GFI1: variants seen among roughly 807,000 people sequenced by gnomAD.
GFI1 encodes growth factor independent 1 transcriptional repressor.
Under a neutral mutation model 39.2 loss-of-function variants are expected in GFI1, and 15 were observed. That is an observed-to-expected ratio of 0.38 (90% CI 0.26 to 0.59). The LOEUF (loss-of-function observed/expected upper bound fraction) is 0.59. GFI1 is among the 20% of genes least tolerant of loss of function. The pLI, the probability that GFI1 is intolerant of heterozygous loss-of-function variation, is 0.62. For synonymous variants in GFI1, 239 were observed against 254.3 expected (o/e 0.94, Z 0.57); for missense variants, 475 against 574.0 (o/e 0.83, Z 1.76).
At chr1:92,476,448 G>C (rs1332161145) in intron 6 of GFI1, among the ~76,000 whole-genome samples, 1 of 152,178 alleles carries the variant, frequency 6.6e-6, no homozygotes, top group African/African-American at 2.4e-5. Flanking sequence ...CCCAGCCAAA[G>C]GCCTCAAACG....
chr1:92,481,952 T>TGCGCGCGCGCGC lies in GFI1; in HGVS notation c.299-865_299-864insGCGCGCGCGCGC, dbSNP rs1553163125. Among the ~76,000 whole-genome samples the TGCGCGCGCGCGC allele has an allele frequency of 2.0e-5, 3 of 148,802 alleles. No homozygotes were observed. The highest frequency in any genetic ancestry group is 3.0e-5 in the Non-Finnish European group (2 of 67,580). ...ATTTACAAATGTGTGTGTGTGTGTG[T>TGCGCGCGCGCGC]GCGCACAACACTCCAGTTCAGGCTG... On this transcript the variant is annotated intron_variant, in intron 3 of 6. Coordinates refer to ENST00000294702, the MANE Select transcript of GFI1 (RefSeq NM_005263.5). This position sits in a 1 kb window ranked among gnomAD's most constrained non-coding sequence, Gnocchi z 4.3.
chr1:92,475,804 T>A lies in GFI1; in HGVS notation c.*225A>T, dbSNP rs1282419959. 8.6e-6 allele frequency: 5 copies of A among 580,844 alleles called. No homozygotes were observed. The East Asian group carries it at 1.5e-4, about 17-fold the overall frequency. 36.0% of individuals were successfully genotyped at this position (580,844 alleles called of 1,614,324 possible). ...CTATTTGTGTCCGAAGCCTAGAGAG[T>A]CACTTGGTTCTCACTCTCGGCTGCA... On this transcript the variant is annotated 3_prime_UTR_variant, in exon 7 of 7. Transcript: ENST00000294702.
In GFI1 at chr1:92,482,993, G is replaced by A. The variant is rs1024012420; in HGVS notation, c.169C>T (p.Pro57Ser). 1.5e-5 allele frequency: 24 copies of A among 1,610,146 alleles called. No individual in the cohort carries two copies. The Middle Eastern group carries it at 6.7e-4, about 45-fold the overall frequency. The change falls in exon 3 of 7, where the codon CCC becomes TCC. Residue 57 changes from proline (P) to serine (S), a missense_variant. Pro to Ser is a moderately conservative substitution (Grantham distance 74). This residue lies in a region of GFI1 where 275 missense variants were observed against 275.8 expected (regional missense o/e 1.00). Transcript: ENST00000294702. The surrounding 1 kb of genome is among the most constrained non-coding windows in gnomAD (Gnocchi z 4.4). ...AKAEPRDRLSPESQLTEAPDR... is the reference protein window; with the variant it reads ...AKAEPRDRLSSESQLTEAPDR... ...GGGGCTTCGGTCAGCTGCGATTCGGGGGACAAACGGTCCCGGGGCTCCGCC... is the reference window on the plus strand; with the variant it reads ...GGGGCTTCGGTCAGCTGCGATTCGGAGGACAAACGGTCCCGGGGCTCCGCC...
At chr1:92,483,308 T>C (rs896290404) in intron 2 of GFI1, 65 bp downstream of exon 2, 6 of 898,144 alleles carry the variant, frequency 6.7e-6, no homozygotes, top group African/African-American at 6.5e-5. Context: ...TCCGGACTAA[T>C]GGTGTGCCGA....
chr1:92,483,191 G>T, intron 2 of GFI1, 145 bp from the exon 3 acceptor site: 1 of 835,550 alleles, frequency 1.2e-6, no homozygotes, highest in Non-Finnish European at 1.8e-6. Context: ...TCGGATCCGA[G>T]GGCAGGCGCA....
rs749281694 is a variant in GFI1, at chr1:92,476,225, G to A, written c.1091-18C>T. On this transcript the variant is annotated intron_variant, in intron 6 of 6. Coordinates refer to ENST00000294702, the MANE Select transcript of GFI1 (RefSeq NM_005263.5). ...CTTCTCACCTGTGGGGATGGGAGGG[G>A]GAGGGGAGAAAGTATGAGTCTATGA... 2 of 1,605,828 alleles carry A rather than the reference G, an allele frequency of 1.2e-6. No homozygotes were observed. The highest frequency in any genetic ancestry group is 4.5e-5 in the East Asian group (2 of 44,734).
At chr1:92,483,880 T>C (rs2101583969) in intron 1 of GFI1, 1 of 335,310 alleles carries the variant, frequency 3.0e-6, no homozygotes, top group East Asian at 7.6e-5. Context: ...TCCCCTTTCC[T>C]AGCGAAGCTC....
Position 92,482,654 on chromosome 1 carries a change from C to T in GFI1, c.298+210G>A, listed in dbSNP as rs199774578. On this transcript the variant is annotated intron_variant, in intron 3 of 6. Coordinates refer to ENST00000294702, the MANE Select transcript of GFI1 (RefSeq NM_005263.5). This position sits in a 1 kb window ranked among gnomAD's most constrained non-coding sequence, Gnocchi z 4.4. Reference sequence around the variant, plus strand: ...AAGCGACAAGCAGCTAGGGTCCTGCCGCCTGGGATGGAGGCAGCAGCCCCA... The same window carrying T: ...AAGCGACAAGCAGCTAGGGTCCTGCTGCCTGGGATGGAGGCAGCAGCCCCA... Among the ~76,000 whole-genome samples, 23 of 152,338 alleles carry T rather than the reference C, an allele frequency of 1.5e-4. No individual in the cohort carries two copies. In the East Asian group the frequency reaches 4.2e-3, roughly 28 times the overall value.
intron 1 of GFI1, 118 bp from the exon 2 acceptor site, chr1:92,483,704 G>A (rs1658403211): frequency 1.7e-6 from 1 of 602,068 alleles, no homozygotes; most frequent in African/African-American, 1.8e-5. Flanking sequence ...CCCACGGGAG[G>A]AGGGGCTTGA....
Position 92,479,011 on chromosome 1 carries a change from A to C in GFI1, c.925-258T>G, listed in dbSNP as rs552218602. Among the ~76,000 whole-genome samples the C allele has an allele frequency of 3.3e-5, 5 of 152,290 alleles. No homozygotes were observed. In the East Asian group the frequency reaches 9.7e-4, roughly 29 times the overall value. On this transcript the variant is annotated intron_variant, in intron 5 of 6. Transcript: ENST00000294702. ...CTCCCAAGTAGCAGGGACTACAGGCACACGCCATCACACCTGACTAATTTT... is the reference window on the plus strand; with the variant it reads ...CTCCCAAGTAGCAGGGACTACAGGCCCACGCCATCACACCTGACTAATTTT...
intron 5 of GFI1, among the ~76,000 whole-genome samples, chr1:92,479,563 TAGC>T (rs1338624906): frequency 6.6e-6 from 1 of 152,146 alleles, no homozygotes; most frequent in East Asian, 1.9e-4. Flanking sequence ...AATGAATAAA[TAGC>T]GGCGGTGGGG....
At position 92,480,481 on chromosome 1, in the gene GFI1, A is replaced by T. The variant is rs772613865; in HGVS notation, c.791T>A (p.Phe264Tyr). 1.9e-6 allele frequency: 3 copies of T among 1,549,928 alleles called. No homozygotes were observed. The South Asian group carries it at 3.6e-5, about 18-fold the overall frequency. Reference protein sequence around the residue: ...SYKCIKCSKVFSTPHGLEVHV... With the variant: ...SYKCIKCSKVYSTPHGLEVHV... ...CACCTCGAGCCCGTGCGGCGTGGAG[A>T]ACACCTAAGGCGGGTGGGGCCAGAG... The change falls in exon 5 of 7, where the codon TTC becomes TAC. Residue 264 changes from phenylalanine to tyrosine, a missense_variant. Around this residue, in one of 4 missense-constraint regions of GFI1, gnomAD observed 79 missense variants for 68.4 expected, o/e 1.15. Coordinates refer to ENST00000294702, the MANE Select transcript of GFI1 (RefSeq NM_005263.5). The surrounding 1 kb of genome is among the most constrained non-coding windows in gnomAD (Gnocchi z 5.6).
In GFI1 at chr1:92,475,671, AG is replaced by A. The variant is rs1237581198; in HGVS notation, c.*357del. On this transcript the variant is annotated 3_prime_UTR_variant, in exon 7 of 7. Transcript: ENST00000294702. The stretch of plus-strand genomic sequence containing the variant: ...AAGAGGGGGGAGGGAAGAAACCTGA[AG>A]GGCATTCCTGTCTGTAGATTAGGGC... 1 of 322,456 alleles carries A rather than the reference AG, an allele frequency of 3.1e-6. No individual in the cohort carries two copies. The highest frequency in any genetic ancestry group is 4.4e-5 in the Admixed American group (1 of 22,490). 20.0% of individuals were successfully genotyped at this position (322,456 alleles called of 1,614,324 possible).
chr1:92,484,512 C>G lies in GFI1; in HGVS notation c.-99-926G>C, dbSNP rs1658435945. On this transcript the variant is annotated intron_variant, in intron 1 of 6. Transcript: ENST00000294702. This position sits in a 1 kb window ranked among gnomAD's most constrained non-coding sequence, Gnocchi z 4.1. Reference sequence around the variant, plus strand: ...CGTTGACTGGGAAATGCTAGGTGTCCCGAGTCGGTAGTGCACCGACAATTT... The same window carrying G: ...CGTTGACTGGGAAATGCTAGGTGTCGCGAGTCGGTAGTGCACCGACAATTT... 6.6e-6 allele frequency: 1 copy of G among 152,274 alleles called. No homozygotes were observed. Among genetic ancestry groups the G allele is most frequent in the Admixed American group, 6.5e-5 (1 of 15,284 alleles). 9.4% of individuals were successfully genotyped at this position (152,274 alleles called of 1,614,324 possible).
Position 92,482,756 on chromosome 1 carries a change from C to G in GFI1, c.298+108G>C. On this transcript the variant is annotated intron_variant, in intron 3 of 6. Coordinates refer to ENST00000294702, the MANE Select transcript of GFI1 (RefSeq NM_005263.5). This position sits in a 1 kb window ranked among gnomAD's most constrained non-coding sequence, Gnocchi z 4.4. Reference sequence around the variant, plus strand: ...AATCAGCTCCCTTCTCCCGGAAAGACTCTCCAACTCCCCGTTAGCATTTCT... The same window carrying G: ...AATCAGCTCCCTTCTCCCGGAAAGAGTCTCCAACTCCCCGTTAGCATTTCT... 1 of 866,584 alleles carries G rather than the reference C, an allele frequency of 1.2e-6. No homozygotes were observed. The highest frequency in any genetic ancestry group is 1.9e-6 in the Non-Finnish European group (1 of 521,054). The allele number at this position is 866,584 out of a possible 1,614,324, so 53.7% of individuals were successfully genotyped here.
chr1:92,478,020 G>A (rs1044379359), intron 6 of GFI1, among the ~76,000 whole-genome samples: 1 of 152,194 alleles, frequency 6.6e-6, no homozygotes, highest in Non-Finnish European at 1.5e-5. Context: ...CTAAAATGGG[G>A]AGAAGGAGTA....
At position 92,475,804 on chromosome 1, in the gene GFI1, T is replaced by G. The variant is rs1282419959; in HGVS notation, c.*225A>C. The G allele has an allele frequency of 3.4e-6, 2 of 580,844 alleles. No individual in the cohort carries two copies. 36.0% of individuals were successfully genotyped at this position (580,844 alleles called of 1,614,324 possible). A position where few individuals can be genotyped will look rare whatever the true frequency, so the allele number is the denominator to read the frequency against. On this transcript the variant is annotated 3_prime_UTR_variant, in exon 7 of 7. Transcript: ENST00000294702. ...CTATTTGTGTCCGAAGCCTAGAGAG[T>G]CACTTGGTTCTCACTCTCGGCTGCA...
rs1270194400 is a variant in GFI1 at position 92,474,174 on chromosome 1, CT to C, written c.*1854del. ...AGAAATAACCCAGATCCTCATGGGC[CT>C]TTAGATTTGTGACTTGCATTAGGGG... On this transcript the variant is annotated 3_prime_UTR_variant, in exon 7 of 7. Transcript: ENST00000294702. Among the ~76,000 whole-genome samples the C allele has an allele frequency of 1.3e-5, 2 of 152,210 alleles. No homozygotes were observed. Among genetic ancestry groups the C allele is most frequent in the African/African-American group, 4.8e-5 (2 of 41,454 alleles).
intron 6 of GFI1, among the ~76,000 whole-genome samples, chr1:92,477,327 A>G (rs780999064): frequency 1.1e-4 from 16 of 152,228 alleles, no homozygotes; most frequent in Non-Finnish European, 1.6e-4. Flanking sequence ...CCTTACTTAT[A>G]AGGAGTGAAT....
Sources: allele counts gnomAD v4.1 joint callset (sites outside exome capture counted in the v4.1 genomes callset), GRCh38; gene constraint gnomAD v4.1.1; regional missense constraint gnomAD v4.1.1; non-coding constraint Gnocchi (gnomAD v3.1); transcripts MANE v1.5; gene names NCBI Gene and HGNC (gene_info 2026-07-23, HGNC 2026-07-21).